HUNK: variants seen among roughly 807,000 people sequenced by gnomAD.
HUNK encodes the protein hormonally up-regulated neu tumor-associated kinase.
A neutral mutation model predicts 61.0 loss-of-function variants in HUNK; 21 were observed. The observed-to-expected ratio is 0.34, with a 90% CI of 0.24 to 0.50. The LOEUF (loss-of-function observed/expected upper bound fraction) is 0.50, where lower values mean the gene tolerates loss of function less well. Among genes scored for constraint, HUNK ranks in the 20% least tolerant of loss-of-function variants. HUNK has a pLI of 0.98. For synonymous variants in HUNK, 371 were observed against 386.1 expected (o/e 0.96, Z 0.46); for missense variants, 772 against 945.7 (o/e 0.82, Z 2.41).
chr21:31,953,243 C>CA (rs1033029863), intron 4 of HUNK, among the ~76,000 whole-genome samples: 4 of 134,886 alleles, frequency 3.0e-5, no homozygotes, highest in African/African-American at 8.1e-5. Flanking sequence ...GGTTTCCATT[C>CA]TTTTTTTTTT....
At chr21:31,917,300 C>G (rs577058992) in intron 1 of HUNK, among the ~76,000 whole-genome samples, 158 of 152,180 alleles carry the variant, frequency 1.0e-3, no homozygotes, top group Admixed American at 2.4e-3. Flanking sequence ...TCAAGCGATC[C>G]TCTCACCTCA....
intron 8 of HUNK, among the ~76,000 whole-genome samples, chr21:31,985,583 G>A (rs2053127239): frequency 6.6e-6 from 1 of 152,200 alleles, no homozygotes; most frequent in South Asian, 2.1e-4. Context: ...GGAGAAACTG[G>A]CAAAGACAGG....
At position 32,000,680 on chromosome 21, in the gene HUNK, A is replaced by G. The variant is rs1165440750; in HGVS notation, c.*1496A>G. 2.5e-6 allele frequency: 1 copy of G among 398,744 alleles called. No individual in the cohort carries two copies. The highest frequency in any genetic ancestry group is 2.1e-5 in the African/African-American group (1 of 48,612). The allele number at this position is 398,744 out of a possible 1,614,324, so 24.7% of individuals were successfully genotyped here. On this transcript the variant is annotated 3_prime_UTR_variant, in exon 11 of 11. Transcript: ENST00000270112. ...CTCAGTCCAAGGATCCCAAAACACA[A>G]ATCTAGAATTGCAAAGCCAGCCTTT... is the stretch of plus-strand genomic sequence containing the variant.
Position 31,873,442 on chromosome 21 carries a change from T to G in HUNK, c.-233T>G. 1 of 162,338 alleles carries G rather than the reference T, an allele frequency of 6.2e-6. No individual in the cohort carries two copies. The highest frequency in any genetic ancestry group is 1.3e-5 in the Non-Finnish European group (1 of 77,916). 10.1% of individuals were successfully genotyped at this position (162,338 alleles called of 1,614,324 possible). A position where few individuals can be genotyped will look rare whatever the true frequency, so the allele number is the denominator to read the frequency against. ...CCGGGCGACCCTAAGAGGAAGAACT[T>G]TTGGGGGCGGGGTCCCCGGTCCCGC... On this transcript the variant is annotated 5_prime_UTR_variant, in exon 1 of 11. Coordinates refer to ENST00000270112, the MANE Select transcript of HUNK (RefSeq NM_014586.2). This position sits in a 1 kb window ranked among gnomAD's most constrained non-coding sequence, Gnocchi z 6.1.
At chr21:31,989,760 C>G (rs1255251160) in intron 8 of HUNK, among the ~76,000 whole-genome samples, 3 of 148,944 alleles carry the variant, frequency 2.0e-5, no homozygotes, top group African/African-American at 7.4e-5. Flanking sequence ...GGACAGAATG[C>G]CTGGCAGAGG....
rs80221740 is a variant in HUNK at position 31,879,756 on chromosome 21, G to C, written c.261+5821G>C. Among the ~76,000 whole-genome samples the C allele has an allele frequency of 2.4e-3, 368 of 152,324 alleles. 1 individual carries two copies. The highest frequency in any genetic ancestry group is 8.5e-3 in the African/African-American group (352 of 41,576). On this transcript the variant is annotated intron_variant, in intron 1 of 10. Transcript: ENST00000270112. ...AGTGGCAGCCATGTGCCCCCGAAGA[G>C]AGGGACAGGTTGGGGTGTTCTCCAT...
At chr21:31,953,794 A>T (rs184969838) in intron 4 of HUNK, among the ~76,000 whole-genome samples, 3 of 150,352 alleles carry the variant, frequency 2.0e-5, no homozygotes, top group East Asian at 2.0e-4. Flanking sequence ...ATTTGTGACA[A>T]TTTTTTTTTT....
chr21:31,984,419 G>T (rs1461364548), intron 8 of HUNK, among the ~76,000 whole-genome samples: 1 of 152,130 alleles, frequency 6.6e-6, no homozygotes, highest in Non-Finnish European at 1.5e-5. Context: ...AGAAAAAAAT[G>T]AGATGCTTAA....
At chr21:31,926,457 A>AC (rs1229383699) in intron 2 of HUNK, among the ~76,000 whole-genome samples, 8 of 133,904 alleles carry the variant, frequency 6.0e-5, no homozygotes, top group East Asian at 5.9e-4. Context: ...TATTTTTATT[A>AC]CCCCCCGCAA....
rs550724974 is a variant in HUNK, at chr21:31,945,600, G to A, written c.611-436G>A. On this transcript the variant is annotated intron_variant, in intron 3 of 10. Coordinates refer to ENST00000270112, the MANE Select transcript of HUNK (RefSeq NM_014586.2). ...TTGCATGTCACTGAGGGTGACACAG[G>A]CAGCCAGAGAGAATCAATCTTCCCT... Among the ~76,000 whole-genome samples the A allele has an allele frequency of 3.3e-5, 5 of 152,290 alleles. No individual in the cohort carries two copies. In the South Asian group the frequency reaches 1.0e-3, roughly 32 times the overall value.
chr21:31,963,969 A>G (rs2052946191), intron 5 of HUNK, among the ~76,000 whole-genome samples: 1 of 152,174 alleles, frequency 6.6e-6, no homozygotes, highest in Admixed American at 6.5e-5. Flanking sequence ...GCCGTTTGCA[A>G]ACTTAAGCTT....
chr21:31,936,143 G>A (rs1394529641), intron 2 of HUNK, among the ~76,000 whole-genome samples: 2 of 152,146 alleles, frequency 1.3e-5, no homozygotes, highest in South Asian at 2.1e-4. Context: ...GTGTGCCAAC[G>A]TTTGTTTATC....
At chr21:31,908,664 C>G (rs7283176) in intron 1 of HUNK, among the ~76,000 whole-genome samples, 3,926 of 152,164 alleles carry the variant, frequency 0.026, 88 homozygotes, top group African/African-American at 0.052. Context: ...TCATGGCTGG[C>G]GAGGGGTGGT....
intron 7 of HUNK, among the ~76,000 whole-genome samples, chr21:31,979,789 A>G (rs924266115): frequency 2.2e-4 from 33 of 152,278 alleles, no homozygotes; most frequent in Admixed American, 9.8e-4. Context: ...TGCTGGGATT[A>G]CAGGCATAAG....
At chr21:31,992,724 T>G (rs2053179901) in intron 9 of HUNK, among the ~76,000 whole-genome samples, 1 of 152,224 alleles carries the variant, frequency 6.6e-6, no homozygotes, top group African/African-American at 2.4e-5. Flanking sequence ...GTAAGGCAAT[T>G]TAGCATCCTG....
rs2053163388 is a variant in HUNK, at chr21:31,990,325, C to T, written c.1305+149C>T. ...TGGGGGTTGGCTGGAAGTCTGAAAT[C>T]TGCAGGGCAGACCAGCAGGTTGGTT... is the stretch of plus-strand genomic sequence containing the variant. On this transcript the variant is annotated intron_variant, in intron 9 of 10. Coordinates refer to ENST00000270112, the MANE Select transcript of HUNK (RefSeq NM_014586.2). The T allele has an allele frequency of 4.2e-6, 3 of 712,948 alleles. No homozygotes were observed. In the South Asian group the frequency reaches 5.2e-5, roughly 12 times the overall value. 44.2% of individuals were successfully genotyped at this position (712,948 alleles called of 1,614,324 possible). A position where few individuals can be genotyped will look rare whatever the true frequency, so the allele number is the denominator to read the frequency against.
intron 9 of HUNK, among the ~76,000 whole-genome samples, 197 bp from the exon 10 acceptor site, chr21:31,995,571 G>A (rs62216106): frequency 0.095 from 14,399 of 152,228 alleles, 943 homozygotes; most frequent in Non-Finnish European, 0.15. Context: ...AAGGCCTCTC[G>A]CTGCCCAGGC....
chr21:31,885,064 C>T (rs1285282654), intron 1 of HUNK, among the ~76,000 whole-genome samples: 1 of 152,132 alleles, frequency 6.6e-6, no homozygotes, highest in Non-Finnish European at 1.5e-5. Context: ...AGGCACGAGT[C>T]ATCGCGCCTG....
chr21:31,998,540 C>T lies in HUNK; in HGVS notation c.1501C>T (p.Arg501Cys), dbSNP rs781432233. The T allele has an allele frequency of 3.8e-6, 6 of 1,590,948 alleles. No homozygotes were observed. The highest frequency in any genetic ancestry group is 1.4e-5 in the African/African-American group (1 of 73,782). The change falls in exon 11 of 11, where the codon CGC becomes TGC. Residue 501 changes from arginine (R) to cysteine (C), a missense_variant. Physicochemically the swap from Arg to Cys is radical, Grantham distance 180. Around this residue, in one of 2 missense-constraint regions of HUNK, gnomAD observed 413 missense variants for 444.4 expected, o/e 0.93. Transcript: ENST00000270112. ...SFPDKDSFGC[R>C]NIFRKTSDSN... Reference sequence around the variant, plus strand: ...TTGGTGTGCAGATTCCTTTGGCTGCCGCAATATTTTCCGCAAAACCTCAGA... The same window carrying T: ...TTGGTGTGCAGATTCCTTTGGCTGCTGCAATATTTTCCGCAAAACCTCAGA...
Sources: allele counts gnomAD v4.1 joint callset (sites outside exome capture counted in the v4.1 genomes callset), GRCh38; gene constraint gnomAD v4.1.1; regional missense constraint gnomAD v4.1.1; non-coding constraint Gnocchi (gnomAD v3.1); transcripts MANE v1.5; gene names NCBI Gene and HGNC (gene_info 2026-07-23, HGNC 2026-07-21).